KANK1: variants seen among roughly 807,000 people sequenced by gnomAD.
KANK1 encodes KN motif and ankyrin repeat domains 1.
KANK1 carries 109 observed loss-of-function variants against 106.2 expected under a neutral mutation model. That is an observed-to-expected ratio of 1.03 (90% confidence interval 0.88 to 1.20). KANK1 has a LOEUF of 1.20. KANK1 is among the 50% of genes most tolerant of loss of function. The probability of loss-of-function intolerance (pLI) is 0.00; values close to 1 mark genes in which losing one functional copy is unlikely to be tolerated. For synonymous variants in KANK1, 873 were observed against 652.2 expected (o/e 1.34, Z -5.16); for missense variants, 2,399 against 1,710.7 (o/e 1.40, Z -7.10).
At chr9:522,634 A>G (rs992058073) in intron 1 of KANK1, among the ~76,000 whole-genome samples, 17 of 151,840 alleles carry the variant, frequency 1.1e-4, no homozygotes, top group African/African-American at 2.9e-4. Context: ...GGCAAAGACC[A>G]TAATGGTTAC....
intron 1 of KANK1, among the ~76,000 whole-genome samples, chr9:560,644 T>G (rs1380260005): frequency 2.6e-5 from 4 of 152,188 alleles, no homozygotes; most frequent in African/African-American, 9.7e-5. Context: ...GATAAAATGT[T>G]TGAGTAGCCC....
At chr9:545,481 G>C (rs1006953966) in intron 1 of KANK1, among the ~76,000 whole-genome samples, 8 of 152,306 alleles carry the variant, frequency 5.3e-5, no homozygotes, top group African/African-American at 1.9e-4. Context: ...AGGTGGGGGA[G>C]CAGAAGAGGG....
intron 2 of KANK1, among the ~76,000 whole-genome samples, chr9:696,256 C>G (rs1381712528): frequency 6.6e-6 from 1 of 151,648 alleles, no homozygotes; most frequent in African/African-American, 2.4e-5. Flanking sequence ...TGCACTCCAG[C>G]CTGGGTGACA....
In KANK1 at chr9:514,158, CCCTT is replaced by C. The variant is rs2059163809; in HGVS notation, c.-84+9408_-84+9411del. The stretch of plus-strand genomic sequence containing the variant: ...TCCCTCCCTCCCTTCCTCTCTCCCT[CCCTT>C]CCTCTCTCCCTCCCTTCCTCTCTCC... On this transcript the variant is annotated intron_variant, in intron 1 of 11. Coordinates refer to ENST00000382297, the MANE Select transcript of KANK1 (RefSeq NM_015158.5). Among the ~76,000 whole-genome samples the C allele has an allele frequency of 3.8e-5, 3 of 78,536 alleles. No homozygotes were observed. The African/African-American group carries it at 3.9e-4, about 10-fold the overall frequency. The allele number at this position is 78,536 out of a possible 152,430, so 51.5% of individuals were successfully genotyped here. A position where few individuals can be genotyped will look rare whatever the true frequency, so the allele number is the denominator to read the frequency against.
At chr9:652,941 G>A (rs775851008) in intron 1 of KANK1, among the ~76,000 whole-genome samples, 6 of 152,210 alleles carry the variant, frequency 3.9e-5, no homozygotes, top group African/African-American at 7.2e-5. Flanking sequence ...GAGCCCAGGT[G>A]TTTCAGCATC....
At chr9:725,106 A>G (rs913188192) in intron 3 of KANK1, among the ~76,000 whole-genome samples, 2 of 152,142 alleles carry the variant, frequency 1.3e-5, no homozygotes, top group Admixed American at 6.5e-5. Flanking sequence ...CCCATGTCCC[A>G]CAGCTAAAGG....
intron 1 of KANK1, among the ~76,000 whole-genome samples, chr9:587,474 G>A (rs1032343302): frequency 1.3e-5 from 2 of 152,082 alleles, no homozygotes; most frequent in African/African-American, 4.8e-5. Context: ...AAAAAATGGA[G>A]ATACTCAATT....
intron 1 of KANK1, among the ~76,000 whole-genome samples, chr9:619,272 C>A (rs865865825): frequency 6.6e-6 from 1 of 152,088 alleles, no homozygotes; most frequent in Non-Finnish European, 1.5e-5. Context: ...ATATTTCAAG[C>A]CACACAGTAC....
intron 1 of KANK1, among the ~76,000 whole-genome samples, chr9:589,769 A>G (rs138728760): frequency 7.5e-4 from 114 of 152,276 alleles, no homozygotes; most frequent in African/African-American, 2.7e-3. Context: ...CTGGAGAGTA[A>G]AAGTGGTAGG....
At chr9:732,018 G>C in intron 5 of KANK1, 1 of 179,486 alleles carries the variant, frequency 5.6e-6, no homozygotes, top group Non-Finnish European at 1.2e-5. Context: ...TTGATACTGG[G>C]AGAATTAATA....
chr9:717,682 A>T (rs912675323), intron 3 of KANK1, among the ~76,000 whole-genome samples: 8 of 152,042 alleles, frequency 5.3e-5, no homozygotes, highest in South Asian at 2.1e-4. Flanking sequence ...AAATGTTGGT[A>T]AAAAAAAGTT....
intron 1 of KANK1, among the ~76,000 whole-genome samples, chr9:641,097 CA>C (rs1217836743): frequency 6.6e-6 from 1 of 152,096 alleles, no homozygotes; most frequent in Non-Finnish European, 1.5e-5. Flanking sequence ...GTTGATAGCC[CA>C]AACCAATTTT....
At chr9:615,540 T>C (rs1692096694) in intron 1 of KANK1, among the ~76,000 whole-genome samples, 3 of 152,212 alleles carry the variant, frequency 2.0e-5, no homozygotes, top group Admixed American at 1.3e-4. Flanking sequence ...CTAAAAAGGC[T>C]ACTCAAGGGC....
At chr9:536,365 A>AT (rs775654607) in intron 1 of KANK1, among the ~76,000 whole-genome samples, 6 of 151,584 alleles carry the variant, frequency 4.0e-5, no homozygotes, top group African/African-American at 4.9e-5. Flanking sequence ...AAAAGCACAC[A>AT]TTTTTTTATA....
rs1430241749 is a variant in KANK1, at chr9:590,433, A to G, written c.-84+85679A>G. On this transcript the variant is annotated intron_variant, in intron 1 of 11. Transcript: ENST00000382297. ...CTCTCCATTTCCTCCTTTACCAGAC[A>G]GTTTAGTGTGTCTCAAGTTATATTT... Among the ~76,000 whole-genome samples, 4 of 152,106 alleles carry G rather than the reference A, an allele frequency of 2.6e-5. No homozygotes were observed. In the East Asian group the frequency reaches 7.7e-4, roughly 29 times the overall value.
chr9:686,659 C>T (rs1279407296), intron 2 of KANK1: 1 of 677,782 alleles, frequency 1.5e-6, no homozygotes, highest in African/African-American at 2.0e-5. Context: ...TATACAGCTT[C>T]CAAGTCTGCC....
chr9:742,463 T>C, intron 10 of KANK1, 58 bp downstream of exon 10: 2 of 1,407,596 alleles, frequency 1.4e-6, no homozygotes, highest in South Asian at 2.6e-5. Context: ...GGACGGGAGC[T>C]CTGGGAGTGC....
intron 3 of KANK1, among the ~76,000 whole-genome samples, chr9:487,465 TCA>T (rs1379325765): frequency 6.6e-6 from 1 of 152,224 alleles, no homozygotes; most frequent in Non-Finnish European, 1.5e-5. Flanking sequence ...CATTTTCAAC[TCA>T]CAATGTTTTC....
At chr9:621,286 C>T (rs192408816) in intron 1 of KANK1, among the ~76,000 whole-genome samples, 2 of 152,076 alleles carry the variant, frequency 1.3e-5, no homozygotes, top group Admixed American at 6.6e-5. Flanking sequence ...ATTAGCTCTG[C>T]CAAAATTACA....
Sources: allele counts gnomAD v4.1 joint callset (sites outside exome capture counted in the v4.1 genomes callset), GRCh38; gene constraint gnomAD v4.1.1; transcripts MANE v1.5; gene names NCBI Gene and HGNC (gene_info 2026-07-23, HGNC 2026-07-21).